FSTL5: variants seen among roughly 807,000 people sequenced by gnomAD.
FSTL5 encodes follistatin-related protein 5.
FSTL5 carries 62 observed loss-of-function variants against 89.1 expected under a neutral mutation model. The ratio of observed to expected loss-of-function variants is 0.70; its 90% CI spans 0.57 to 0.86. FSTL5 has a LOEUF of 0.86. Ranked by LOEUF, FSTL5 falls within the 40% of genes least tolerant of loss-of-function variation. FSTL5 has a pLI of 0.00. For synonymous variants in FSTL5, 383 were observed against 346.2 expected (o/e 1.11, Z -1.18); for missense variants, 1,057 against 1,001.6 (o/e 1.06, Z -0.75).
chr4:161,643,119 T>C (rs1736023459), intron 7 of FSTL5, among the ~76,000 whole-genome samples: 1 of 152,184 alleles, frequency 6.6e-6, no homozygotes, highest in Admixed American at 6.5e-5. Flanking sequence ...TAAGTATTCA[T>C]TAAGTGCTAT....
At chr4:161,532,815 C>A (rs867577942) in intron 10 of FSTL5, among the ~76,000 whole-genome samples, 1 of 152,072 alleles carries the variant, frequency 6.6e-6, no homozygotes, top group Non-Finnish European at 1.5e-5. Context: ...ATGGATTGCC[C>A]ACATGCTTTG....
At chr4:161,692,851 G>A (rs941139902) in intron 6 of FSTL5, among the ~76,000 whole-genome samples, 2 of 152,074 alleles carry the variant, frequency 1.3e-5, no homozygotes, top group African/African-American at 4.8e-5. Flanking sequence ...AGCCTTACAA[G>A]TAGCTAGGAT....
intron 6 of FSTL5, among the ~76,000 whole-genome samples, chr4:161,729,943 G>A (rs528800234): frequency 5.3e-4 from 81 of 152,218 alleles, no homozygotes; most frequent in African/African-American, 1.8e-3. Flanking sequence ...CCATCTATGT[G>A]TAAATATAGT....
At chr4:161,929,180 G>A (rs186135338) in intron 3 of FSTL5, among the ~76,000 whole-genome samples, 3 of 148,792 alleles carry the variant, frequency 2.0e-5, no homozygotes, top group Admixed American at 6.7e-5. Context: ...TTTTAAATAT[G>A]GATATCCAGT....
At chr4:161,831,633 T>A (rs1730848067) in intron 4 of FSTL5, among the ~76,000 whole-genome samples, 2 of 151,956 alleles carry the variant, frequency 1.3e-5, no homozygotes, top group Non-Finnish European at 2.9e-5. Flanking sequence ...TTTCTTGCTA[T>A]TGAAATTAAA....
At chr4:161,413,479 T>C (rs1179034053) in intron 15 of FSTL5, among the ~76,000 whole-genome samples, 1 of 152,108 alleles carries the variant, frequency 6.6e-6, no homozygotes, top group Non-Finnish European at 1.5e-5. Flanking sequence ...TTTATGGGAA[T>C]GTAAATTAGT....
At chr4:162,010,644 A>T (rs1736738032) in intron 3 of FSTL5, among the ~76,000 whole-genome samples, 1 of 152,156 alleles carries the variant, frequency 6.6e-6, no homozygotes, top group Admixed American at 6.5e-5. Context: ...GTTTAATGTT[A>T]TGTATTTACA....
At position 161,728,133 on chromosome 4, in the gene FSTL5, G is replaced by A. The variant is rs373855286; in HGVS notation, c.727+31278C>T. Among the ~76,000 whole-genome samples the A allele has an allele frequency of 3.3e-5, 5 of 152,256 alleles. No individual in the cohort carries two copies. The East Asian group carries it at 5.8e-4, about 18-fold the overall frequency. On this transcript the variant is annotated intron_variant, in intron 6 of 15. Transcript: ENST00000306100. ...GATAAGAAGTCTGAGCTTGATTCCC[G>A]GAGTAATACGGATCCATGGAGAGAT...
intron 4 of FSTL5, among the ~76,000 whole-genome samples, chr4:161,803,856 C>T (rs1197157950): frequency 2.6e-5 from 4 of 151,998 alleles, no homozygotes; most frequent in Non-Finnish European, 5.9e-5. Context: ...AACAGGGCCA[C>T]TGCTTTGAGC....
chr4:161,637,540 T>C (rs1487477443), intron 7 of FSTL5, among the ~76,000 whole-genome samples: 1 of 151,394 alleles, frequency 6.6e-6, no homozygotes, highest in Non-Finnish European at 1.5e-5. Flanking sequence ...TCCTTGCCCA[T>C]GCCTATCTCC....
At chr4:161,629,892 C>G (rs1010715789) in intron 7 of FSTL5, among the ~76,000 whole-genome samples, 6 of 152,178 alleles carry the variant, frequency 3.9e-5, no homozygotes, top group African/African-American at 1.4e-4. Context: ...AGTTGGCGCA[C>G]AGCCAGTGCG....
At chr4:161,607,429 A>G (rs966672960) in intron 7 of FSTL5, among the ~76,000 whole-genome samples, 2 of 152,144 alleles carry the variant, frequency 1.3e-5, no homozygotes, top group African/African-American at 4.8e-5. Flanking sequence ...ATATAATACT[A>G]TAAAATACTA....
At chr4:161,913,016 T>A (rs768458836) in intron 4 of FSTL5, among the ~76,000 whole-genome samples, 2 of 152,062 alleles carry the variant, frequency 1.3e-5, no homozygotes, top group Non-Finnish European at 2.9e-5. Context: ...ATTTAGGGTA[T>A]CTGGTGGAAA....
At chr4:161,543,006 A>G (rs919842017) in intron 8 of FSTL5, among the ~76,000 whole-genome samples, 2 of 152,050 alleles carry the variant, frequency 1.3e-5, no homozygotes, top group Non-Finnish European at 2.9e-5. Context: ...AGAGACTCCA[A>G]TTTGCTAAAT....
At position 161,783,685 on chromosome 4, in the gene FSTL5, T is replaced by C. The variant is rs867988732; in HGVS notation, c.410-7611A>G. ...TTTCTCTTTCTTTCTTTCTCTTTCT[T>C]TCTTTCTTTCTTTCTTTCTTTCTTT... On this transcript the variant is annotated intron_variant, in intron 4 of 15. Transcript: ENST00000306100. Among the ~76,000 whole-genome samples the C allele has an allele frequency of 2.5e-3, 61 of 24,602 alleles. 1 individual carries two copies. The highest frequency in any genetic ancestry group is 5.2e-3 in the Admixed American group (9 of 1,740). 16.1% of individuals were successfully genotyped at this position (24,602 alleles called of 152,430 possible).
At chr4:162,108,881 C>T (rs1377097906) in intron 2 of FSTL5, among the ~76,000 whole-genome samples, 4 of 151,860 alleles carry the variant, frequency 2.6e-5, no homozygotes, top group Admixed American at 1.3e-4. Flanking sequence ...ATTTATTGAA[C>T]GTGTACCATG....
chr4:161,739,315 A>G (rs1053827003), intron 6 of FSTL5, among the ~76,000 whole-genome samples: 1 of 152,176 alleles, frequency 6.6e-6, no homozygotes, highest in African/African-American at 2.4e-5. Flanking sequence ...ATGGCAACCT[A>G]CAAGCCAAGG....
chr4:161,524,312 C>A (rs1383338689), intron 10 of FSTL5, among the ~76,000 whole-genome samples: 3 of 151,892 alleles, frequency 2.0e-5, no homozygotes, highest in African/African-American at 7.2e-5. Context: ...CAATGTATTT[C>A]CTGAATGTGT....
chr4:161,464,462 C>T (rs1013235529), intron 13 of FSTL5, among the ~76,000 whole-genome samples: 1 of 152,176 alleles, frequency 6.6e-6, no homozygotes, highest in African/African-American at 2.4e-5. Flanking sequence ...CTCTTCTCCT[C>T]AGCTTTCCCA....
Sources: gnomAD v4.1 joint callset for allele counts (sites outside exome capture counted in the v4.1 genomes callset) on GRCh38, gnomAD v4.1.1 for gene constraint, MANE v1.5 for transcripts, NCBI Gene and HGNC (gene_info 2026-07-23, HGNC 2026-07-21) for gene names.